Variants in ASTN2 observed in about 807,000 individuals in gnomAD.
ASTN2 encodes the protein astrotactin-2.
ASTN2 carries 54 observed loss-of-function variants against 139.8 expected under a neutral mutation model. The ratio of observed to expected loss-of-function variants is 0.39; its 90% CI spans 0.31 to 0.48. ASTN2 has a LOEUF of 0.48. Among genes scored for constraint, ASTN2 ranks in the 20% least tolerant of loss-of-function variants. The pLI is 0.95. For missense variants in ASTN2, 1,565 were observed against 1,725.1 expected, an observed-to-expected ratio of 0.91 and a Z score of 1.64; for synonymous variants, 756 against 719.5, an observed-to-expected ratio of 1.05 and a Z score of -0.81.
At chr9:116,977,040 C>G (rs1366762097) in intron 7 of ASTN2, among the ~76,000 whole-genome samples, 1 of 152,138 alleles carries the variant, frequency 6.6e-6, no homozygotes, top group Non-Finnish European at 1.5e-5. Flanking sequence ...ATACAGAGGT[C>G]AAAGTTGCAA....
intron 20 of ASTN2, among the ~76,000 whole-genome samples, chr9:116,457,170 G>T (rs544687216): frequency 6.6e-6 from 1 of 152,068 alleles, no homozygotes; most frequent in South Asian, 2.1e-4. Flanking sequence ...AGAAACTAGA[G>T]TGCTATCTTT....
intron 2 of ASTN2, among the ~76,000 whole-genome samples, chr9:117,289,269 C>T (rs1834526903): frequency 6.6e-6 from 1 of 152,118 alleles, no homozygotes; most frequent in South Asian, 2.1e-4. Flanking sequence ...CACTTTGGCT[C>T]ATGGGTGGGG....
intron 1 of ASTN2, among the ~76,000 whole-genome samples, chr9:117,299,192 G>A (rs1834814206): frequency 6.6e-6 from 1 of 152,122 alleles, no homozygotes; most frequent in African/African-American, 2.4e-5. Context: ...TAAATAGTGG[G>A]ATCAGAGGTG....
Position 117,192,210 on chromosome 9 carries a change from A to G in ASTN2, c.1015+22148T>C, listed in dbSNP as rs114377807. Among the ~76,000 whole-genome samples the G allele has an allele frequency of 2.6e-3, 390 of 152,216 alleles. 1 individual carries two copies. The highest frequency in any genetic ancestry group is 9.1e-3 in the African/African-American group (377 of 41,538). The stretch of plus-strand genomic sequence containing the variant: ...TGCTTTGCAGAGCCTAGGCATTTAG[A>G]CACCAGGGCCAAACGTCCAAGAGGA... On this transcript the variant is annotated intron_variant, in intron 3 of 22. Transcript: ENST00000313400.
At chr9:117,291,818 T>A (rs1443701166) in intron 1 of ASTN2, among the ~76,000 whole-genome samples, 1 of 152,200 alleles carries the variant, frequency 6.6e-6, no homozygotes, top group African/African-American at 2.4e-5. Flanking sequence ...GGAATGAAAC[T>A]AAGGATAAAA....
In ASTN2 at chr9:116,779,006, A is replaced by G. The variant is rs546157841; in HGVS notation, c.2396+26626T>C. 6.6e-5 allele frequency among the ~76,000 whole-genome samples: 10 copies of G among 152,346 alleles called. No homozygotes were observed. In the South Asian group the frequency reaches 2.1e-3, roughly 32 times the overall value. On this transcript the variant is annotated intron_variant, in intron 13 of 22. Coordinates refer to ENST00000313400, the MANE Select transcript of ASTN2 (RefSeq NM_001365068.1). ...AATTACTATTATGATTGTGATTATTATACAGTAAAAAGCAATTACACTTTA... is the reference window on the plus strand; with the variant it reads ...AATTACTATTATGATTGTGATTATTGTACAGTAAAAAGCAATTACACTTTA...
chr9:116,576,112 T>C (rs1853713079), intron 19 of ASTN2, among the ~76,000 whole-genome samples: 1 of 152,096 alleles, frequency 6.6e-6, no homozygotes, highest in Admixed American at 6.5e-5. Context: ...CTTTGAACTC[T>C]CCCTTTTACA....
At position 116,576,941 on chromosome 9, in the gene ASTN2, T is replaced by C. The variant is rs150905249; in HGVS notation, c.3355+41383A>G. Among the ~76,000 whole-genome samples the C allele has an allele frequency of 1.3e-3, 191 of 152,294 alleles. 1 individual carries two copies. In the Middle Eastern group the frequency reaches 0.017, roughly 14 times the overall value. ...TCTTCCCTGGGCCAGGCACTAGGAA[T>C]ACCAAAAACAACACCAACAATAACA... On this transcript the variant is annotated intron_variant, in intron 19 of 22. Transcript: ENST00000313400.
At chr9:116,919,196 C>T (rs1834530881) in intron 10 of ASTN2, among the ~76,000 whole-genome samples, 1 of 152,070 alleles carries the variant, frequency 6.6e-6, no homozygotes, top group Non-Finnish European at 1.5e-5. Context: ...TCCCAGCTTA[C>T]CTGATTGGTA....
intron 19 of ASTN2, among the ~76,000 whole-genome samples, chr9:116,572,385 A>G (rs1853555171): frequency 6.6e-6 from 1 of 152,196 alleles, no homozygotes; most frequent in African/African-American, 2.4e-5. Context: ...CACTGGAAAC[A>G]GACTTCCTCT....
At chr9:117,266,972 G>T (rs548564296) in intron 2 of ASTN2, among the ~76,000 whole-genome samples, 1 of 152,240 alleles carries the variant, frequency 6.6e-6, no homozygotes, top group Admixed American at 6.5e-5. Context: ...CTAAATAATA[G>T]AGTGTGGAAA....
At chr9:117,249,869 C>T (rs143766980) in intron 2 of ASTN2, among the ~76,000 whole-genome samples, 2 of 152,096 alleles carry the variant, frequency 1.3e-5, no homozygotes, top group Non-Finnish European at 2.9e-5. Context: ...CTGTTGAGAC[C>T]TCAGTCTCAA....
At chr9:116,519,853 G>A (rs549492782) in intron 19 of ASTN2, among the ~76,000 whole-genome samples, 1 of 151,962 alleles carries the variant, frequency 6.6e-6, no homozygotes, top group African/African-American at 2.4e-5. Context: ...AAACACAAAG[G>A]ATTATTCAAG....
At chr9:117,145,064 G>T (rs1324447548) in intron 3 of ASTN2, among the ~76,000 whole-genome samples, 1 of 152,076 alleles carries the variant, frequency 6.6e-6, no homozygotes, top group East Asian at 1.9e-4. Context: ...GTCATGGGAG[G>T]TTGGTGTGCA....
At chr9:117,036,352 G>A (rs951452826) in intron 6 of ASTN2, among the ~76,000 whole-genome samples, 17 of 152,130 alleles carry the variant, frequency 1.1e-4, no homozygotes, top group South Asian at 2.1e-4. Context: ...TGTATACTCC[G>A]TAGTTATTTC....
At chr9:116,900,943 G>T (rs1833993552) in intron 10 of ASTN2, among the ~76,000 whole-genome samples, 1 of 152,100 alleles carries the variant, frequency 6.6e-6, no homozygotes, top group Non-Finnish European at 1.5e-5. Flanking sequence ...CCATATCCAA[G>T]AATTTCTTTC....
At chr9:116,465,591 T>C (rs561359419) in intron 20 of ASTN2, among the ~76,000 whole-genome samples, 51 of 152,324 alleles carry the variant, frequency 3.3e-4, no homozygotes, top group Non-Finnish European at 5.3e-4. Flanking sequence ...CATATCGTTA[T>C]ACAGAAATTA....
At chr9:117,398,658 G>A (rs1830742119) in intron 1 of ASTN2, among the ~76,000 whole-genome samples, 1 of 152,324 alleles carries the variant, frequency 6.6e-6, no homozygotes, top group East Asian at 1.9e-4. Flanking sequence ...ATTCCCATAA[G>A]CATTCCAGCA....
rs73655517 is a variant in ASTN2, at chr9:116,900,396, C to T, written c.1890-36663G>A. Among the ~76,000 whole-genome samples the T allele has an allele frequency of 4.0e-3, 612 of 152,214 alleles. 5 individuals are homozygous for T. The highest frequency in any genetic ancestry group is 0.014 in the African/African-American group (581 of 41,540). ...TTTGTCATTTTTTTCAGGGGTGATG[C>T]TTTTTGATCTTCTCCCCCCTCACCA... is the stretch of plus-strand genomic sequence containing the variant. On this transcript the variant is annotated intron_variant, in intron 10 of 22. Transcript: ENST00000313400.
Sources: gnomAD v4.1 joint callset for allele counts (sites outside exome capture counted in the v4.1 genomes callset) on GRCh38, gnomAD v4.1.1 for gene constraint, MANE v1.5 for transcripts, NCBI Gene and HGNC (gene_info 2026-07-23, HGNC 2026-07-21) for gene names.